Variants in CCDC9 observed in about 807,000 individuals in gnomAD.
CCDC9 encodes the protein coiled-coil domain containing 9.
Under a neutral mutation model 65.6 loss-of-function variants are expected in CCDC9, and 52 were observed. The observed-to-expected ratio is 0.79, with a 90% CI of 0.63 to 1.00. The LOEUF is 1.00. CCDC9 is among the 50% of genes least tolerant of loss of function. The pLI is 0.00. For missense variants in CCDC9, 834 were observed against 757.2 expected, an observed-to-expected ratio of 1.10 and a Z score of -1.19; for synonymous variants, 332 against 280.3, an observed-to-expected ratio of 1.18 and a Z score of -1.84.
chr19:47,275,080 T>G (rs991235334), downstream of CCDC9: 2 of 1,496,186 alleles, frequency 1.3e-6, no homozygotes, highest in Non-Finnish European at 1.8e-6. Flanking sequence ...TACGGTCTCA[T>G]CTGGGTACCC....
At chr19:47,266,129 G>A (rs1251969592) in intron 7 of CCDC9, among the ~76,000 whole-genome samples, 2 of 148,786 alleles carry the variant, frequency 1.3e-5, no homozygotes, top group Non-Finnish European at 3.0e-5. Flanking sequence ...CCGAAAAGCT[G>A]GGACTACAGG....
chr19:47,266,716 C>G lies in CCDC9; in HGVS notation c.826C>G (p.Gln276Glu). The change falls in exon 8 of 12, where the codon CAG becomes GAG. Residue 276 changes from glutamine to glutamate, a missense_variant. Physicochemically the swap from Gln to Glu is conservative, Grantham distance 29. Transcript: ENST00000221922. ...GAAGCAGGAGAGGGAGAAGATCGAC[C>G]AGGAGCGGCTGCAGAGGCACCGCAA... ...RWKQEREKID[Q>E]ERLQRHRKPT... The G allele has an allele frequency of 6.2e-7, 1 of 1,611,972 alleles. No individual in the cohort carries two copies. The highest frequency in any genetic ancestry group is 8.5e-7 in the Non-Finnish European group (1 of 1,179,084).
chr19:47,274,881 C>T, downstream of CCDC9: 9 of 1,231,680 alleles, frequency 7.3e-6, no homozygotes, highest in Non-Finnish European at 9.0e-6. Context: ...GGGGCGGGGC[C>T]TGTGCGGTCT....
At chr19:47,261,596 C>G (rs1213134646) in intron 5 of CCDC9, among the ~76,000 whole-genome samples, 1 of 151,334 alleles carries the variant, frequency 6.6e-6, no homozygotes, top group Non-Finnish European at 1.5e-5. Flanking sequence ...CCTGTAATCC[C>G]AGCTACTTGG....
intron 7 of CCDC9, among the ~76,000 whole-genome samples, chr19:47,265,665 C>T (rs1327807791): frequency 6.6e-6 from 1 of 150,942 alleles, no homozygotes; most frequent in Admixed American, 6.6e-5. Flanking sequence ...GTGCCAGGTA[C>T]TGTTTTAGGT....
chr19:47,271,676 T>C lies in CCDC9; in HGVS notation c.1594T>C (p.Ter532ArgextTer?). ...PGEAWPFESV[*>R] ...TGAGGCCTGGCCTTTTGAGAGTGTA[T>C]GAAGCTGGCTGCCTGTGTGTGTGTG... The change falls in exon 12 of 12, where the codon TGA becomes CGA. Residue 532 changes from the stop codon to arginine, a stop_lost. Transcript: ENST00000221922. 1 of 1,586,160 alleles carries C rather than the reference T, an allele frequency of 6.3e-7. No homozygotes were observed.
At chr19:47,264,172 C>T (rs779720283) in intron 5 of CCDC9, among the ~76,000 whole-genome samples, 1 of 152,112 alleles carries the variant, frequency 6.6e-6, no homozygotes, top group Non-Finnish European at 1.5e-5. Context: ...TGAGCCACCG[C>T]GCCCGGCCAC....
At position 47,264,656 on chromosome 19, in the gene CCDC9, GA is replaced by G; in HGVS notation, c.518del (p.Lys173ArgfsTer80). On this transcript the variant is annotated frameshift_variant, in exon 6 of 12. Transcript: ENST00000221922. LOFTEE classifies it high-confidence loss of function. ...TTGAGAAGATGAATGAGGAGATGGA[GA>G]AGATCGCCGAGTATGAGCGCAACCA... ...NIEKMNEEME[K>X]IAEYERNQRE... The G allele has an allele frequency of 6.2e-7, 1 of 1,604,952 alleles. No homozygotes were observed. The highest frequency in any genetic ancestry group is 1.3e-5 in the African/African-American group (1 of 74,926).
At chr19:47,275,434 G>A (rs894209854), downstream of CCDC9, 9 of 1,444,054 alleles carry the variant, frequency 6.2e-6, no homozygotes, top group African/African-American at 7.5e-5. Context: ...GATTGGTCCG[G>A]CCTTCTTCCT....
downstream of CCDC9, chr19:47,272,047 G>A: frequency 8.1e-7 from 1 of 1,237,692 alleles, no homozygotes; most frequent in Non-Finnish European, 1.0e-6. Context: ...AAGGGGGCTT[G>A]ACTGGGGCTC....
At chr19:47,270,822 C>T (rs1367452996) in intron 10 of CCDC9, 134 bp downstream of exon 10, 1 of 1,129,774 alleles carries the variant, frequency 8.9e-7, no homozygotes, top group Non-Finnish European at 1.2e-6. Flanking sequence ...TCTCGCAGGT[C>T]CGTGGTTTGA....
At chr19:47,266,020 G>C (rs1361971334) in intron 7 of CCDC9, among the ~76,000 whole-genome samples, 3 of 92,942 alleles carry the variant, frequency 3.2e-5, no homozygotes, top group Non-Finnish European at 5.8e-5. Context: ...TTTTGAGACA[G>C]AGTCTTGCCC....
At position 47,271,478 on chromosome 19, in the gene CCDC9, G is replaced by A; in HGVS notation, c.1396G>A (p.Ala466Thr). The change falls in exon 12 of 12, where the codon GCC (alanine) becomes ACC (threonine). Residue 466 changes from alanine (A) to threonine (T), a missense_variant. Coordinates refer to ENST00000221922, the MANE Select transcript of CCDC9 (RefSeq NM_015603.3). ...APTGIPCSEQ[A>T]HGVPFSPEEP... ...CACCGGGATCCCCTGCAGTGAGCAG[G>A]CCCACGGAGTCCCCTTCAGTCCGGA... 1.2e-6 allele frequency: 2 copies of A among 1,613,260 alleles called. No homozygotes were observed.
chr19:47,275,011 C>T (rs1313754249), downstream of CCDC9: 3 of 1,479,440 alleles, frequency 2.0e-6, no homozygotes, highest in Middle Eastern at 1.8e-4. Flanking sequence ...CTGCGCTTGG[C>T]TCCGGTATGC....
chr19:47,270,192 C>T (rs191657936), intron 8 of CCDC9, among the ~76,000 whole-genome samples: 136 of 152,152 alleles, frequency 8.9e-4, no homozygotes, highest in African/African-American at 3.1e-3. Context: ...TGGTCTTGAA[C>T]TCCTGGGCTC....
At chr19:47,260,992 A>C (rs762413338) in intron 5 of CCDC9, among the ~76,000 whole-genome samples, 153 bp downstream of exon 5, 1 of 145,322 alleles carries the variant, frequency 6.9e-6, no homozygotes, top group Non-Finnish European at 1.5e-5. Context: ...CTCTTCCTCC[A>C]CCTCCTTCTC....
chr19:47,275,181 C>T, downstream of CCDC9: 1 of 1,469,998 alleles, frequency 6.8e-7, no homozygotes, highest in South Asian at 1.4e-5. Context: ...TGTCCCGGCG[C>T]CCGCCGCTGC....
intron 10 of CCDC9, 65 bp downstream of exon 10, chr19:47,270,753 G>C (rs146630699): frequency 1.2e-5 from 18 of 1,499,986 alleles, no homozygotes; most frequent in Non-Finnish European, 1.5e-5. Context: ...CTCTTCTTTG[G>C]CTTGCTGTGA....
At chr19:47,266,375 T>G in intron 7 of CCDC9, 3 of 483,324 alleles carry the variant, frequency 6.2e-6, no homozygotes, top group Non-Finnish European at 3.6e-6. Flanking sequence ...TATAGTGAGA[T>G]GTGAGGTCCT....
Sources: allele counts gnomAD v4.1 joint callset (sites outside exome capture counted in the v4.1 genomes callset), GRCh38; gene constraint gnomAD v4.1.1; transcripts MANE v1.5; gene names NCBI Gene and HGNC (gene_info 2026-07-23, HGNC 2026-07-21).